The following CMTM8 variants were observed in gnomAD, a reference collection of about 807,000 sequenced individuals.
The protein encoded by CMTM8 is CKLF like MARVEL transmembrane domain containing 8, also known as CKLF-like MARVEL transmembrane domain-containing protein 8.
CMTM8 carries 12 observed loss-of-function variants against 18.6 expected under a neutral mutation model. That is an observed-to-expected ratio of 0.65 (90% CI 0.41 to 1.05). The LOEUF (loss-of-function observed/expected upper bound fraction) is 1.05. Among genes scored for constraint, CMTM8 ranks in the 50% least tolerant of loss-of-function variants. The pLI, the probability that CMTM8 is intolerant of heterozygous loss-of-function variation, is 0.00. For missense variants in CMTM8, 217 were observed against 227.2 expected, an observed-to-expected ratio of 0.95 and a Z score of 0.29; for synonymous variants, 87 against 90.6, an observed-to-expected ratio of 0.96 and a Z score of 0.23.
chr3:32,296,909 G>A (rs893321512), intron 1 of CMTM8, among the ~76,000 whole-genome samples: 26 of 152,086 alleles, frequency 1.7e-4, no homozygotes, highest in African/African-American at 5.8e-4. Context: ...CAGCAGAGCC[G>A]TCCACCATGA....
intron 1 of CMTM8, among the ~76,000 whole-genome samples, chr3:32,330,282 A>C (rs1406477351): frequency 2.7e-5 from 4 of 150,684 alleles, no homozygotes; most frequent in African/African-American, 7.3e-5. Context: ...GAGCCAAAAC[A>C]GTAGTAAGAA....
At chr3:32,281,347 A>T (rs1186212895) in intron 1 of CMTM8, among the ~76,000 whole-genome samples, 1 of 152,170 alleles carries the variant, frequency 6.6e-6, no homozygotes, top group Non-Finnish European at 1.5e-5. Context: ...AATTTAGCAC[A>T]TGCATTCTCA....
At chr3:32,278,838 G>T (rs1283818010) in intron 1 of CMTM8, among the ~76,000 whole-genome samples, 1 of 152,090 alleles carries the variant, frequency 6.6e-6, no homozygotes, top group Non-Finnish European at 1.5e-5. Flanking sequence ...ACACTTCCTA[G>T]AACTTAAAAG....
chr3:32,258,506 TTTTTG>T (rs941801265), intron 1 of CMTM8, among the ~76,000 whole-genome samples: 1 of 152,168 alleles, frequency 6.6e-6, no homozygotes, highest in African/African-American at 2.4e-5. Context: ...TGCTTTGTTT[TTTTTG>T]TTTTGTTTTG....
intron 2 of CMTM8, among the ~76,000 whole-genome samples, chr3:32,365,771 C>T (rs550181471): frequency 1.3e-4 from 20 of 152,252 alleles, no homozygotes; most frequent in Non-Finnish European, 2.4e-4. Flanking sequence ...CTATATTGTC[C>T]TTGTAGCTCT....
At chr3:32,303,615 CT>C (rs1695665753) in intron 1 of CMTM8, among the ~76,000 whole-genome samples, 1 of 152,086 alleles carries the variant, frequency 6.6e-6, no homozygotes, top group Admixed American at 6.5e-5. Flanking sequence ...GGTAACCGAG[CT>C]TCCCCCCTCC....
chr3:32,356,597 C>T (rs548979413), intron 1 of CMTM8, among the ~76,000 whole-genome samples: 3 of 152,322 alleles, frequency 2.0e-5, no homozygotes, highest in Non-Finnish European at 4.4e-5. Context: ...CACATCTGGA[C>T]TGGGCCGCTG....
chr3:32,269,725 T>C (rs1702407366), intron 1 of CMTM8, among the ~76,000 whole-genome samples: 1 of 152,210 alleles, frequency 6.6e-6, no homozygotes, highest in Non-Finnish European at 1.5e-5. Flanking sequence ...ATTCCTTCTT[T>C]GTTTCACTAA....
chr3:32,262,477 A>T (rs564472367), intron 1 of CMTM8, among the ~76,000 whole-genome samples: 182 of 152,338 alleles, frequency 1.2e-3, no homozygotes, highest in Non-Finnish European at 1.9e-3. Context: ...TATTTACTAC[A>T]TCCACTTCAT....
intron 1 of CMTM8, among the ~76,000 whole-genome samples, chr3:32,332,531 G>A (rs1041361650): frequency 1.3e-5 from 2 of 152,162 alleles, no homozygotes; most frequent in East Asian, 1.9e-4. Flanking sequence ...GATCTGGCCT[G>A]TAGGGTAAAG....
intron 1 of CMTM8, among the ~76,000 whole-genome samples, chr3:32,298,098 T>A (rs1363813007): frequency 6.6e-6 from 1 of 151,066 alleles, no homozygotes; most frequent in Admixed American, 6.6e-5. Flanking sequence ...GGGCAGTGGC[T>A]GGAGTCTCGT....
At chr3:32,258,506 T>G (rs1010673901) in intron 1 of CMTM8, among the ~76,000 whole-genome samples, 10 of 152,170 alleles carry the variant, frequency 6.6e-5, no homozygotes, top group African/African-American at 1.4e-4. Context: ...TGCTTTGTTT[T>G]TTTTGTTTTG....
At chr3:32,300,217 G>T (rs367696926) in intron 1 of CMTM8, among the ~76,000 whole-genome samples, 3 of 152,290 alleles carry the variant, frequency 2.0e-5, no homozygotes, top group African/African-American at 7.2e-5. Context: ...TAGGCTGAGC[G>T]GGGGAACCCA....
At chr3:32,288,401 C>G (rs1358327526) in intron 1 of CMTM8, among the ~76,000 whole-genome samples, 1 of 152,132 alleles carries the variant, frequency 6.6e-6, no homozygotes, top group Non-Finnish European at 1.5e-5. Context: ...CCACCTCAGC[C>G]TCCCAAGTAG....
intron 1 of CMTM8, among the ~76,000 whole-genome samples, chr3:32,319,074 A>ATATATATATATATTTTTTTTT: frequency 1.8e-3 from 57 of 31,510 alleles, no homozygotes; most frequent in African/African-American, 2.1e-3. Flanking sequence ...ATATATATAT[A>ATATATATATATATTTTTTTTT]TTTTTTTTTT....
chr3:32,300,848 T>G (rs1221025003), intron 1 of CMTM8, among the ~76,000 whole-genome samples: 1 of 152,054 alleles, frequency 6.6e-6, no homozygotes, highest in East Asian at 1.9e-4. Context: ...TAATCCCATT[T>G]ACTTGGGAGG....
In CMTM8 at chr3:32,361,286, G is replaced by GTTTGTTTTTTTTTTTTTTTTTTTTTTT. The variant is rs140270969; in HGVS notation, c.321+3743_321+3744insGTTTTTTTTTTTTTTTTTTTTTTTTTT. Among the ~76,000 whole-genome samples, 13 of 87,262 alleles carry GTTTGTTTTTTTTTTTTTTTTTTTTTTT rather than the reference G, an allele frequency of 1.5e-4. 3 individuals carry two copies. The highest frequency in any genetic ancestry group is 1.7e-4 in the Non-Finnish European group (7 of 41,962). The allele number at this position is 87,262 out of a possible 152,430, so 57.2% of individuals were successfully genotyped here. A position where few individuals can be genotyped will look rare whatever the true frequency, so the allele number is the denominator to read the frequency against. ...GTGAGCCACGGCGCCCAGCCTAAGA[G>GTTTGTTTTTTTTTTTTTTTTTTTTTTT]TTTTTTTTTCTTTCAAATTTTGGAA... On this transcript the variant is annotated intron_variant, in intron 2 of 3. Coordinates refer to ENST00000307526, the MANE Select transcript of CMTM8 (RefSeq NM_178868.5).
At chr3:32,342,773 A>G (rs1245272863) in intron 1 of CMTM8, among the ~76,000 whole-genome samples, 1 of 152,380 alleles carries the variant, frequency 6.6e-6, no homozygotes, top group East Asian at 1.9e-4. Context: ...GTTTCTCCTA[A>G]GAGCCATTGT....
chr3:32,351,054 A>G (rs1407619823), intron 1 of CMTM8, among the ~76,000 whole-genome samples: 1 of 152,244 alleles, frequency 6.6e-6, no homozygotes, highest in Non-Finnish European at 1.5e-5. Context: ...GAGCAAAATT[A>G]GGTGTTCAGT....
Sources: allele counts gnomAD v4.1 joint callset (sites outside exome capture counted in the v4.1 genomes callset), GRCh38; gene constraint gnomAD v4.1.1; transcripts MANE v1.5; gene names NCBI Gene and HGNC (gene_info 2026-07-23, HGNC 2026-07-21).